FGF13: variants seen among roughly 807,000 people sequenced by gnomAD.
FGF13 encodes fibroblast growth factor 13.
A neutral mutation model predicts 19.5 loss-of-function variants in FGF13; 2 were observed. That is an observed-to-expected ratio of 0.10 (90% CI 0.04 to 0.32). The LOEUF (loss-of-function observed/expected upper bound fraction) is 0.32. Among genes scored for constraint, FGF13 ranks in the 10% least tolerant of loss-of-function variants. FGF13 has a pLI of 1.00. For missense variants in FGF13, 113 were observed against 192.7 expected (o/e 0.59, Z 2.45); for synonymous variants, 72 against 76.9 (o/e 0.94, Z 0.33).
At chrX:138,830,891 C>T (rs1001444685) in intron 3 of FGF13, among the ~76,000 whole-genome samples, 2 of 110,734 alleles carry the variant, frequency 1.8e-5, no homozygotes, top group Non-Finnish European at 3.8e-5. Flanking sequence ...TCAAAGATCT[C>T]GAAGATCTTT....
chrX:138,825,871 T>C (rs1449820089), intron 3 of FGF13, among the ~76,000 whole-genome samples: 1 of 111,545 alleles, frequency 9.0e-6, no homozygotes, highest in East Asian at 2.8e-4. Context: ...TTCTGCACTA[T>C]ACTTGGTTCT....
intron 3 of FGF13, among the ~76,000 whole-genome samples, chrX:138,746,573 AC>A (rs1319414714): frequency 5.4e-5 from 6 of 111,646 alleles, no homozygotes; most frequent in Admixed American, 4.7e-4. Flanking sequence ...CCCTAGATTC[AC>A]CCGGAAGCAA....
chrX:138,873,220 G>T (rs1453420680), intron 1 of FGF13, among the ~76,000 whole-genome samples: 1 of 110,927 alleles, frequency 9.0e-6, no homozygotes, highest in Non-Finnish European at 1.9e-5. Flanking sequence ...CAGGAGACCT[G>T]CACTATAAGG....
At chrX:139,168,415 C>T (rs1447085757) in intron 1 of FGF13, among the ~76,000 whole-genome samples, 1 of 111,446 alleles carries the variant, frequency 9.0e-6, no homozygotes, top group Non-Finnish European at 1.9e-5. Context: ...TAATAAATAA[C>T]AATTTTTATT....
intron 1 of FGF13, among the ~76,000 whole-genome samples, chrX:138,726,138 C>T (rs940699825): frequency 4.5e-5 from 5 of 110,496 alleles, no homozygotes; most frequent in African/African-American, 1.6e-4. Flanking sequence ...GAAAGTTCTT[C>T]GAATTTAGTT....
chrX:139,159,808 C>T (rs1313506850), intron 1 of FGF13, among the ~76,000 whole-genome samples: 1 of 111,350 alleles, frequency 9.0e-6, no homozygotes, highest in Non-Finnish European at 1.9e-5. Flanking sequence ...AATATATATG[C>T]ACCCAATTAA....
At chrX:138,687,954 T>C (rs1416180757) in intron 3 of FGF13, among the ~76,000 whole-genome samples, 1 of 88,333 alleles carries the variant, frequency 1.1e-5, no homozygotes, top group Non-Finnish European at 2.3e-5. Flanking sequence ...AAAAATTGGA[T>C]TTTTTTTTTT....
At chrX:138,944,001 A>AT (rs2091770838) in intron 1 of FGF13, among the ~76,000 whole-genome samples, 2 of 111,071 alleles carry the variant, frequency 1.8e-5, no homozygotes, top group Non-Finnish European at 3.8e-5. Context: ...TTCATCATGG[A>AT]TTTTTTTTGT....
chrX:138,983,807 G>A (rs1280587369), intron 1 of FGF13, among the ~76,000 whole-genome samples: 1 of 111,293 alleles, frequency 9.0e-6, no homozygotes, highest in Non-Finnish European at 1.9e-5. Context: ...AATGAATACA[G>A]AAAACTTGGT....
chrX:138,844,292 C>T (rs1321088022), intron 3 of FGF13, among the ~76,000 whole-genome samples: 2 of 111,979 alleles, frequency 1.8e-5, no homozygotes, highest in Non-Finnish European at 3.8e-5. Context: ...AGCTTAACTA[C>T]ATTCAAAAGG....
intron 1 of FGF13, among the ~76,000 whole-genome samples, chrX:138,888,136 A>AT (rs1463591957): frequency 3.6e-5 from 4 of 112,182 alleles, no homozygotes; most frequent in African/African-American, 1.3e-4. Flanking sequence ...TGCCTTGGCC[A>AT]TTTGCTAATC....
chrX:138,888,183 C>CAAT (rs1239312490), intron 1 of FGF13, among the ~76,000 whole-genome samples: 1 of 112,355 alleles, frequency 8.9e-6, no homozygotes, highest in Non-Finnish European at 1.9e-5. Context: ...TAACCTACAT[C>CAAT]AATAATAATA....
intron 1 of FGF13, among the ~76,000 whole-genome samples, chrX:139,008,693 G>A (rs78772236): frequency 8.9e-6 from 1 of 112,089 alleles, no homozygotes; most frequent in South Asian, 3.7e-4. Flanking sequence ...ACAAAAGAAT[G>A]TGAACAGCAG....
chrX:138,943,798 C>T (rs915059546), intron 1 of FGF13, among the ~76,000 whole-genome samples: 2 of 111,257 alleles, frequency 1.8e-5, no homozygotes, highest in Non-Finnish European at 3.8e-5. Flanking sequence ...TTTCACCTCT[C>T]GGAGACAGGG....
intron 1 of FGF13, among the ~76,000 whole-genome samples, chrX:138,726,264 T>C (rs905037623): frequency 9.0e-6 from 1 of 111,645 alleles, no homozygotes; most frequent in Non-Finnish European, 1.9e-5. Flanking sequence ...AGCTTCCCCC[T>C]TAGTGCAGAA....
At chrX:139,103,616 G>A (rs777691292) in intron 1 of FGF13, among the ~76,000 whole-genome samples, 15 of 111,896 alleles carry the variant, frequency 1.3e-4, no homozygotes, top group Non-Finnish European at 1.9e-4. Flanking sequence ...CTGTGGTAAT[G>A]GTGGCAAAAT....
intron 4 of FGF13, 68 bp downstream of exon 4, chrX:138,635,389 T>C (rs1010123499): frequency 1.7e-5 from 18 of 1,072,600 alleles, no homozygotes; most frequent in Admixed American, 1.2e-4. Flanking sequence ...CCCAAAACTA[T>C]TGAAATTTAA....
At chrX:138,914,964 T>G (rs1983694781) in intron 1 of FGF13, among the ~76,000 whole-genome samples, 1 of 111,373 alleles carries the variant, frequency 9.0e-6, no homozygotes, top group Non-Finnish European at 1.9e-5. Flanking sequence ...CCTGCCAGAG[T>G]GCATTCTCTG....
intron 1 of FGF13, among the ~76,000 whole-genome samples, chrX:138,922,589 A>AGG (rs2091652575): frequency 8.9e-6 from 1 of 111,899 alleles, no homozygotes; most frequent in Non-Finnish European, 1.9e-5. Context: ...TCATCTTCCC[A>AGG]AACTAGAGTT....
Sources: gnomAD v4.1 joint callset for allele counts (sites outside exome capture counted in the v4.1 genomes callset) on GRCh38, gnomAD v4.1.1 for gene constraint, MANE v1.5 for transcripts, NCBI Gene and HGNC (gene_info 2026-07-23, HGNC 2026-07-21) for gene names.